The following PLCH1 variants were observed in gnomAD, a reference collection of about 807,000 sequenced individuals.
PLCH1 encodes 1-phosphatidylinositol 4,5-bisphosphate phosphodiesterase eta-1.
Under a neutral mutation model 126.7 loss-of-function variants are expected in PLCH1, and 60 were observed. The ratio of observed to expected loss-of-function variants is 0.47; its 90% confidence interval spans 0.38 to 0.59. The LOEUF (loss-of-function observed/expected upper bound fraction) is 0.59, where lower values mean the gene tolerates loss of function less well. PLCH1 is among the 20% of genes least tolerant of loss of function. PLCH1 has a pLI of 0.00. For synonymous variants in PLCH1, 719 were observed against 734.9 expected, an observed-to-expected ratio of 0.98 and a Z score of 0.35; for missense variants, 1,723 against 2,040.0, an observed-to-expected ratio of 0.84 and a Z score of 2.99.
chr3:155,491,636 C>G (rs1297464252), intron 18 of PLCH1, among the ~76,000 whole-genome samples: 1 of 152,144 alleles, frequency 6.6e-6, no homozygotes, highest in African/African-American at 2.4e-5. Flanking sequence ...TAACGTTGAG[C>G]AAGCCAGACA....
chr3:155,551,444 GA>G (rs59794505), intron 9 of PLCH1, among the ~76,000 whole-genome samples: 3 of 42,088 alleles, frequency 7.1e-5, no homozygotes, highest in Non-Finnish European at 1.1e-4. Context: ...GGCTGCCTCA[GA>G]AAAAAAAAAA....
At chr3:155,648,375 G>A (rs557600709) in intron 2 of PLCH1, among the ~76,000 whole-genome samples, 2 of 152,254 alleles carry the variant, frequency 1.3e-5, no homozygotes, top group African/African-American at 2.4e-5. Context: ...GCAACTTTAC[G>A]GACAGATGGG....
intron 21 of PLCH1, among the ~76,000 whole-genome samples, chr3:155,465,980 C>T (rs752722532): frequency 1.3e-5 from 2 of 152,148 alleles, no homozygotes; most frequent in South Asian, 2.1e-4. Context: ...AACAGAACAC[C>T]GGATAGATTT....
At chr3:155,522,883 G>A (rs1046857218) in intron 11 of PLCH1, among the ~76,000 whole-genome samples, 1 of 148,034 alleles carries the variant, frequency 6.8e-6, no homozygotes, top group Non-Finnish European at 1.5e-5. Flanking sequence ...AAGCGATGAG[G>A]CATCTTTTTA....
intron 2 of PLCH1, among the ~76,000 whole-genome samples, chr3:155,612,128 C>G (rs1470033488): frequency 2.6e-5 from 4 of 151,192 alleles, no homozygotes; most frequent in Non-Finnish European, 5.9e-5. Context: ...AACAGCCTGG[C>G]CAATGTGGTG....
At chr3:155,598,610 T>C (rs1191771087) in intron 2 of PLCH1, among the ~76,000 whole-genome samples, 3 of 152,180 alleles carry the variant, frequency 2.0e-5, no homozygotes. Flanking sequence ...ACAGGATACT[T>C]ATTAATGGCA....
At chr3:155,532,758 A>G (rs996495765) in intron 10 of PLCH1, among the ~76,000 whole-genome samples, 11 of 152,180 alleles carry the variant, frequency 7.2e-5, no homozygotes, top group Non-Finnish European at 1.5e-4. Context: ...TGAGTCAATT[A>G]AACCTCTTTC....
At chr3:155,643,620 C>A (rs1249729352) in intron 2 of PLCH1, among the ~76,000 whole-genome samples, 2 of 152,178 alleles carry the variant, frequency 1.3e-5, no homozygotes, top group East Asian at 1.9e-4. Flanking sequence ...CCCTGAAATT[C>A]ATCTTTAACT....
At chr3:155,531,298 T>C (rs113527867) in intron 10 of PLCH1, among the ~76,000 whole-genome samples, 2,260 of 152,294 alleles carry the variant, frequency 0.015, 35 homozygotes, top group Non-Finnish European at 0.025. Context: ...TGGCATCATC[T>C]CCCAATATAA....
intron 21 of PLCH1, among the ~76,000 whole-genome samples, chr3:155,472,355 AC>A (rs1261180509): frequency 1.3e-5 from 2 of 152,210 alleles, no homozygotes; most frequent in East Asian, 1.9e-4. Context: ...CTCGACACAT[AC>A]ACCCTCCCAA....
Position 155,585,763 on chromosome 3 carries a change from C to A in PLCH1, c.600+302G>T, listed in dbSNP as rs147793023. The stretch of plus-strand genomic sequence containing the variant: ...TATTCTGATCCTCACAAGAGCCCTG[C>A]GAAGTAGGCAAATGAGGTATTACTG... On this transcript the variant is annotated intron_variant, in intron 5 of 22. Transcript: ENST00000460012. Among the ~76,000 whole-genome samples the A allele has an allele frequency of 3.7e-4, 57 of 152,204 alleles. No individual in the cohort carries two copies. In the East Asian group the frequency reaches 9.1e-3, roughly 24 times the overall value.
intron 2 of PLCH1, among the ~76,000 whole-genome samples, chr3:155,674,304 G>A (rs530236398): frequency 6.6e-6 from 1 of 152,048 alleles, no homozygotes; most frequent in Non-Finnish European, 1.5e-5. Flanking sequence ...GCAAACATGG[G>A]CTTTATACTT....
chr3:155,601,223 C>G (rs961533534), intron 2 of PLCH1, among the ~76,000 whole-genome samples: 6 of 152,252 alleles, frequency 3.9e-5, no homozygotes, highest in Admixed American at 3.9e-4. Flanking sequence ...GTGATCCACC[C>G]GCCTTGGCCT....
intron 1 of PLCH1, among the ~76,000 whole-genome samples, chr3:155,733,940 T>TAC (rs1748957509): frequency 1.9e-5 from 1 of 52,518 alleles, no homozygotes; most frequent in African/African-American, 1.4e-4. Flanking sequence ...TATACATATA[T>TAC]ATATATATAT....
At chr3:155,470,367 G>C (rs1191631007) in intron 21 of PLCH1, among the ~76,000 whole-genome samples, 2 of 152,062 alleles carry the variant, frequency 1.3e-5, no homozygotes, top group Non-Finnish European at 2.9e-5. Flanking sequence ...GAGAAGGGAA[G>C]TTTAGAGAAA....
intron 18 of PLCH1, 23 bp from the exon 19 acceptor site, chr3:155,490,891 T>A: frequency 8.1e-7 from 1 of 1,229,226 alleles, no homozygotes; most frequent in Non-Finnish European, 1.2e-6. Context: ...GAGAAAGTAC[T>A]ATTACAAATA....
chr3:155,573,572 A>G (rs927186702), intron 6 of PLCH1, among the ~76,000 whole-genome samples: 2 of 152,116 alleles, frequency 1.3e-5, no homozygotes, highest in African/African-American at 4.8e-5. Flanking sequence ...CTCTTTCTCT[A>G]TGTAGTCTCT....
intron 2 of PLCH1, among the ~76,000 whole-genome samples, chr3:155,607,495 C>T (rs1383753714): frequency 2.0e-5 from 3 of 151,618 alleles, no homozygotes. Context: ...GGCTGGAGTG[C>T]ACTGGTGTGA....
intron 12 of PLCH1, among the ~76,000 whole-genome samples, chr3:155,512,246 C>A (rs1719679373): frequency 6.6e-6 from 1 of 152,138 alleles, no homozygotes; most frequent in Admixed American, 6.5e-5. Flanking sequence ...TCTACAAATA[C>A]CTATCACCAA....
Sources: allele counts gnomAD v4.1 joint callset (sites outside exome capture counted in the v4.1 genomes callset), GRCh38; gene constraint gnomAD v4.1.1; transcripts MANE v1.5; gene names NCBI Gene and HGNC (gene_info 2026-07-23, HGNC 2026-07-21).